The following ERC2 variants were observed in gnomAD, a reference collection of about 807,000 sequenced individuals.
ERC2 encodes ELKS/RAB6-interacting/CAST family member 2.
In ERC2, 42 loss-of-function variants were observed where a neutral mutation model predicts 114.8. The observed-to-expected ratio is 0.37, with a 90% CI of 0.29 to 0.47. The LOEUF (loss-of-function observed/expected upper bound fraction) is 0.47. Among genes scored for constraint, ERC2 ranks in the 20% least tolerant of loss-of-function variants. The pLI, the probability that ERC2 is intolerant of heterozygous loss-of-function variation, is 0.99. For synonymous variants in ERC2, 454 were observed against 425.5 expected (o/e 1.07, Z -0.82); for missense variants, 939 against 1,150.7 (o/e 0.82, Z 2.66).
intron 14 of ERC2, among the ~76,000 whole-genome samples, chr3:55,745,000 T>C (rs553643871): frequency 6.6e-6 from 1 of 152,364 alleles, no homozygotes; most frequent in Admixed American, 6.5e-5. Context: ...TTTGCATTAC[T>C]TTCTATGAGC....
At chr3:55,644,901 CAG>C (rs1259422035) in intron 17 of ERC2, among the ~76,000 whole-genome samples, 1 of 151,922 alleles carries the variant, frequency 6.6e-6, no homozygotes, top group Non-Finnish European at 1.5e-5. Context: ...CCAGTGTAGA[CAG>C]AGAGATGGTG....
chr3:55,925,099 A>G (rs1325777529), intron 13 of ERC2, among the ~76,000 whole-genome samples: 12 of 152,212 alleles, frequency 7.9e-5, no homozygotes, highest in Admixed American at 7.9e-4. Flanking sequence ...GAGCCAGAAG[A>G]AACAAAGAGC....
intron 4 of ERC2, among the ~76,000 whole-genome samples, chr3:56,151,805 C>A (rs1575600955): frequency 6.6e-6 from 1 of 152,168 alleles, no homozygotes; most frequent in East Asian, 1.9e-4. Context: ...GCACATGGCT[C>A]AGAAACTCGA....
At chr3:55,846,751 A>G (rs2061388930) in intron 14 of ERC2, among the ~76,000 whole-genome samples, 1 of 139,834 alleles carries the variant, frequency 7.2e-6, no homozygotes, top group African/African-American at 2.7e-5. Context: ...TTACGTCTGC[A>G]TTATGTGTTT....
intron 13 of ERC2, among the ~76,000 whole-genome samples, chr3:55,920,473 T>C (rs1338697405): frequency 6.6e-6 from 1 of 151,344 alleles, no homozygotes; most frequent in Non-Finnish European, 1.5e-5. Context: ...TATTGCTAAC[T>C]GTCCAAAAAC....
At chr3:56,440,987 T>C (rs56902004) in intron 1 of ERC2, among the ~76,000 whole-genome samples, 10,371 of 152,270 alleles carry the variant, frequency 0.068, 675 homozygotes, top group African/African-American at 0.17. Context: ...TTCTATTTCC[T>C]TTGTCCTTGA....
chr3:56,347,459 A>G (rs941950952), intron 2 of ERC2, among the ~76,000 whole-genome samples: 1 of 151,736 alleles, frequency 6.6e-6, no homozygotes, highest in African/African-American at 2.4e-5. Context: ...TCTGATTCCT[A>G]TTGGCTTCCT....
At chr3:55,905,441 G>GTGT (rs1469256877) in intron 13 of ERC2, among the ~76,000 whole-genome samples, 1 of 151,752 alleles carries the variant, frequency 6.6e-6, no homozygotes, top group African/African-American at 2.4e-5. Flanking sequence ...GGTGGTGGTG[G>GTGT]TCGTGTGTGT....
At chr3:55,688,245 A>C (rs943997082) in intron 16 of ERC2, among the ~76,000 whole-genome samples, 1 of 152,014 alleles carries the variant, frequency 6.6e-6, no homozygotes, top group African/African-American at 2.4e-5. Flanking sequence ...ATGTATTTGC[A>C]CCTCCTCCAG....
At chr3:56,109,803 A>G (rs2078865190) in intron 6 of ERC2, among the ~76,000 whole-genome samples, 1 of 105,028 alleles carries the variant, frequency 9.5e-6, no homozygotes, top group Non-Finnish European at 2.0e-5. Flanking sequence ...TTAAAAACCA[A>G]CAACAACAAA....
At chr3:56,071,432 A>G (rs1431356915) in intron 7 of ERC2, among the ~76,000 whole-genome samples, 1 of 152,244 alleles carries the variant, frequency 6.6e-6, no homozygotes, top group East Asian at 1.9e-4. Context: ...AGGAGGCTCC[A>G]TCAAGTCTCT....
At chr3:56,166,549 A>T (rs2082334292) in intron 4 of ERC2, among the ~76,000 whole-genome samples, 1 of 152,000 alleles carries the variant, frequency 6.6e-6, no homozygotes, top group Non-Finnish European at 1.5e-5. Context: ...TGGTGGTAAG[A>T]TTTTAATTTA....
intron 15 of ERC2, among the ~76,000 whole-genome samples, chr3:55,702,287 A>G (rs1351986692): frequency 6.6e-6 from 1 of 152,212 alleles, no homozygotes; most frequent in Non-Finnish European, 1.5e-5. Flanking sequence ...TCTGGGGGAA[A>G]TGTACACAGA....
chr3:55,962,868 A>G (rs1462675353), intron 12 of ERC2, among the ~76,000 whole-genome samples: 2 of 152,198 alleles, frequency 1.3e-5, no homozygotes, highest in African/African-American at 4.8e-5. Context: ...TCCCTTCCCC[A>G]AATCAACCCT....
At chr3:56,206,499 G>A (rs1413750087) in intron 3 of ERC2, among the ~76,000 whole-genome samples, 3 of 152,136 alleles carry the variant, frequency 2.0e-5, no homozygotes, top group Non-Finnish European at 4.4e-5. Context: ...GATAGCAATT[G>A]TACTTTCAGG....
chr3:55,615,682 C>T (rs1261905801), intron 17 of ERC2, among the ~76,000 whole-genome samples: 3 of 152,138 alleles, frequency 2.0e-5, no homozygotes, highest in Non-Finnish European at 4.4e-5. Context: ...AGGTATTTTA[C>T]CCAATATTAC....
At chr3:55,773,837 G>T (rs2068405560) in intron 14 of ERC2, among the ~76,000 whole-genome samples, 1 of 152,130 alleles carries the variant, frequency 6.6e-6, no homozygotes, top group South Asian at 2.1e-4. Flanking sequence ...ATATTTTTTG[G>T]TTCACTGAAC....
intron 15 of ERC2, among the ~76,000 whole-genome samples, chr3:55,720,524 A>G (rs921345553): frequency 1.3e-5 from 2 of 151,790 alleles, no homozygotes; most frequent in Non-Finnish European, 2.9e-5. Context: ...GACTCAAGCA[A>G]TCTTTCCGCC....
intron 2 of ERC2, among the ~76,000 whole-genome samples, chr3:56,380,275 C>T (rs993332470): frequency 4.6e-5 from 7 of 152,054 alleles, no homozygotes; most frequent in Non-Finnish European, 8.8e-5. Flanking sequence ...GAGGTCCTGT[C>T]GCTAATAAGT....
Sources: allele counts gnomAD v4.1 joint callset (sites outside exome capture counted in the v4.1 genomes callset), GRCh38; gene constraint gnomAD v4.1.1; transcripts MANE v1.5; gene names NCBI Gene and HGNC (gene_info 2026-07-23, HGNC 2026-07-21).